SLC6A12: variants seen among roughly 807,000 people sequenced by gnomAD.
The protein encoded by SLC6A12 is solute carrier family 6 member 12.
A neutral mutation model predicts 73.3 loss-of-function variants in SLC6A12; 50 were observed. The observed-to-expected ratio is 0.68, with a 90% CI of 0.54 to 0.86. The LOEUF (loss-of-function observed/expected upper bound fraction) is 0.86. Ranked by LOEUF, SLC6A12 falls within the 40% of genes least tolerant of loss-of-function variation. The probability of loss-of-function intolerance (pLI) is 0.00; values close to 1 mark genes in which losing one functional copy is unlikely to be tolerated. For synonymous variants in SLC6A12, 304 were observed against 309.2 expected (o/e 0.98, Z 0.18); for missense variants, 648 against 772.8 (o/e 0.84, Z 1.92).
At chr12:200,396 CTG>C (rs1565472323) in intron 7 of SLC6A12, among the ~76,000 whole-genome samples, 6 of 152,194 alleles carry the variant, frequency 3.9e-5, no homozygotes, top group African/African-American at 1.2e-4. Flanking sequence ...GCGTGAGCCA[CTG>C]CACCCGGCAG....
chr12:184,419 G>A, the SLC6A12 span, among the ~76,000 whole-genome samples: 3 of 152,140 alleles, frequency 2.0e-5, no homozygotes, highest in African/African-American at 7.2e-5. Flanking sequence ...GAGATCAGGA[G>A]TTCGAGACCA....
At chr12:202,341 GTTTA>G (rs1408288176) in intron 5 of SLC6A12, among the ~76,000 whole-genome samples, 1 of 152,166 alleles carries the variant, frequency 6.6e-6, no homozygotes, top group Non-Finnish European at 1.5e-5. Context: ...TAGTGGTTGT[GTTTA>G]TTTGTCTGTT....
At chr12:186,083 G>A (rs539977685), downstream of SLC6A12, among the ~76,000 whole-genome samples, 15 of 150,312 alleles carry the variant, frequency 1.0e-4, no homozygotes, top group East Asian at 2.7e-3. Flanking sequence ...GGGCTCTGGA[G>A]GGGTCAGAGG....
intron 5 of SLC6A12, 75 bp from the exon 6 acceptor site, chr12:201,924 G>A: frequency 1.5e-6 from 2 of 1,312,640 alleles, no homozygotes; most frequent in South Asian, 1.2e-5. Context: ...CTCTGGCCTT[G>A]CAGCCTAGTG....
At chr12:205,423 A>G (rs934901534) in intron 3 of SLC6A12, among the ~76,000 whole-genome samples, 2 of 152,156 alleles carry the variant, frequency 1.3e-5, no homozygotes, top group African/African-American at 4.8e-5. Flanking sequence ...CATGTCAGGC[A>G]CTCTTGTACG....
intron 4 of SLC6A12, chr12:203,606 AAC>A (rs1255565918): frequency 1.3e-5 from 2 of 152,058 alleles, no homozygotes; most frequent in Non-Finnish European, 2.9e-5. Flanking sequence ...ACACCCAAAA[AAC>A]ACACAAACAA....
At chr12:196,599 C>T (rs376461961) in intron 11 of SLC6A12, among the ~76,000 whole-genome samples, 171 bp downstream of exon 11, 1 of 152,180 alleles carries the variant, frequency 6.6e-6, no homozygotes, top group East Asian at 1.9e-4. Context: ...GCCCCTTCAC[C>T]CCAGAGGGTC....
chr12:205,879 T>A (rs376250471), intron 3 of SLC6A12, among the ~76,000 whole-genome samples: 2 of 152,364 alleles, frequency 1.3e-5, no homozygotes, highest in East Asian at 3.9e-4. Context: ...TGTTCCACTC[T>A]ATGTATCTAT....
chr12:193,478 C>G, intron 13 of SLC6A12, 101 bp from the exon 14 acceptor site: 1 of 817,846 alleles, frequency 1.2e-6, no homozygotes, highest in East Asian at 2.6e-5. Flanking sequence ...TCCCTCACCC[C>G]CGCCCTGTGC....
At chr12:200,961 A>G (rs1367079881) in intron 6 of SLC6A12, among the ~76,000 whole-genome samples, 178 bp from the exon 7 acceptor site, 1 of 152,130 alleles carries the variant, frequency 6.6e-6, no homozygotes, top group Non-Finnish European at 1.5e-5. Flanking sequence ...TACTACCATC[A>G]TCCTATGCAT....
intron 14 of SLC6A12, 41 bp from the exon 15 acceptor site, chr12:192,689 G>T: frequency 6.3e-7 from 1 of 1,588,656 alleles, no homozygotes; most frequent in Non-Finnish European, 8.6e-7. Context: ...GATAGGGGGC[G>T]ACTGAAACCC....
rs779960064 is a variant in SLC6A12, at chr12:204,528, G to A, written c.349+36C>T. The A allele has an allele frequency of 1.1e-5, 17 of 1,603,832 alleles. No individual in the cohort carries two copies. In the Middle Eastern group the frequency reaches 1.2e-3, roughly 111 times the overall value. ...CATGGGGGGATGCAGGCAAGATGGC[G>A]GCCCCATGAAGGGGAAGGTGGGGGA... is the stretch of plus-strand genomic sequence containing the variant. On this transcript the variant is annotated intron_variant, in intron 4 of 15. Coordinates refer to ENST00000684302, the MANE Select transcript of SLC6A12 (RefSeq NM_001122848.3).
chr12:203,829 G>A (rs1359278719), intron 4 of SLC6A12: 1 of 152,500 alleles, frequency 6.6e-6, no homozygotes, highest in Non-Finnish European at 1.5e-5. Context: ...CGCGCCTCGA[G>A]CCAGTACGGC....
chr12:184,607 G>A, the SLC6A12 span, among the ~76,000 whole-genome samples: 19 of 151,686 alleles, frequency 1.3e-4, no homozygotes, highest in African/African-American at 3.1e-4. Flanking sequence ...AAAATTAGCC[G>A]GGCGTGGTGG....
chr12:199,501 C>T (rs955236175), intron 7 of SLC6A12, among the ~76,000 whole-genome samples: 5 of 151,932 alleles, frequency 3.3e-5, no homozygotes, highest in African/African-American at 4.8e-5. Flanking sequence ...CAGCGGCGGC[C>T]GGAGCTCCGG....
Position 202,786 on chromosome 12 carries a change from G to C in SLC6A12, c.444C>G (p.Phe148Leu). 6.2e-7 allele frequency: 1 copy of C among 1,613,972 alleles called. No individual in the cohort carries two copies. Among genetic ancestry groups the C allele is most frequent in the South Asian group, 1.1e-5 (1 of 91,068 alleles). Reference sequence around the variant, plus strand: ...AGGTCGTCCAGGGCAGCTCAGAAGTGAAGGAGCTGAACAGGTAGAAGAGAG... The same window carrying C: ...AGGTCGTCCAGGGCAGCTCAGAAGTCAAGGAGCTGAACAGGTAGAAGAGAG... ...AWALFYLFSSFTSELPWTTCN... is the reference protein window; with the variant it reads ...AWALFYLFSSLTSELPWTTCN... The change falls in exon 5 of 16, where the codon TTC becomes TTG. Residue 148 changes from phenylalanine (F) to leucine (L), a missense_variant. Phe to Leu is a conservative substitution (Grantham distance 22, BLOSUM62 0). Transcript: ENST00000684302.
intron 3 of SLC6A12, among the ~76,000 whole-genome samples, chr12:206,284 T>C (rs1342673143): frequency 6.6e-6 from 1 of 152,226 alleles, no homozygotes; most frequent in African/African-American, 2.4e-5. Flanking sequence ...ACTTTCTGTT[T>C]CTATGCATTT....
rs764813867 is a variant in SLC6A12 at position 204,661 on chromosome 12, G to C, written c.252C>G (p.Val84=). 9 of 1,614,186 alleles carry C rather than the reference G, an allele frequency of 5.6e-6. No individual in the cohort carries two copies. The highest frequency in any genetic ancestry group is 5.5e-5 in the South Asian group (5 of 91,082). ...FFIPYFIFFF[V]CGIPVFFLEV... ...CCAGGAAGAACACCGGGATGCCGCA[G>C]ACAAAGAAGAAGATGAAGTAGGGGA... The change falls in exon 4 of 16, where the codon GTC becomes GTG. Residue 84 remains valine (V), a synonymous_variant. Coordinates refer to ENST00000684302, the MANE Select transcript of SLC6A12 (RefSeq NM_001122848.3).
chr12:200,862 C>A (rs1406102440), intron 6 of SLC6A12, 79 bp from the exon 7 acceptor site: 5 of 1,463,896 alleles, frequency 3.4e-6, no homozygotes, highest in East Asian at 4.6e-5. Flanking sequence ...TCTCCTGATT[C>A]TCAGAGCTGA....
Sources: allele counts gnomAD v4.1 joint callset (sites outside exome capture counted in the v4.1 genomes callset), GRCh38; gene constraint gnomAD v4.1.1; transcripts MANE v1.5; gene names NCBI Gene and HGNC (gene_info 2026-07-23, HGNC 2026-07-21).